The following SVIL variants were observed in gnomAD, a reference collection of about 807,000 sequenced individuals.
SVIL encodes the protein supervillin.
In SVIL, 101 loss-of-function variants were observed where a neutral mutation model predicts 240.4. The ratio of observed to expected loss-of-function variants is 0.42; its 90% CI spans 0.36 to 0.50. SVIL has a LOEUF of 0.50. SVIL is among the 20% of genes least tolerant of loss of function. The pLI is 0.01. For synonymous variants in SVIL, 999 were observed against 1,100.0 expected (o/e 0.91, Z 1.82); for missense variants, 2,512 against 2,818.7 (o/e 0.89, Z 2.46).
chr10:29,653,269 A>T (rs528909066), intron 3 of SVIL, among the ~76,000 whole-genome samples: 61 of 152,274 alleles, frequency 4.0e-4, no homozygotes, highest in Admixed American at 3.9e-3. Context: ...GTGAGTTCTC[A>T]TGAGATCTGG....
intron 1 of SVIL, among the ~76,000 whole-genome samples, chr10:29,615,891 C>T (rs777381714): frequency 5.9e-5 from 9 of 152,138 alleles, no homozygotes; most frequent in Non-Finnish European, 1.0e-4. Flanking sequence ...CATAAACTCC[C>T]ACACTGACTT....
intron 6 of SVIL, among the ~76,000 whole-genome samples, chr10:29,549,993 G>T (rs1486622098): frequency 1.6e-5 from 2 of 126,484 alleles, no homozygotes; most frequent in Non-Finnish European, 3.1e-5. Flanking sequence ...TGCACATTGT[G>T]CACATGTACC....
chr10:29,508,324 T>A, intron 17 of SVIL: 1 of 1,280,592 alleles, frequency 7.8e-7, no homozygotes, highest in Non-Finnish European at 1.0e-6. Flanking sequence ...AGGACACCTG[T>A]GTTAGAGTCA....
intron 2 of SVIL, among the ~76,000 whole-genome samples, chr10:29,662,549 T>G (rs1959170896): frequency 6.6e-6 from 1 of 152,170 alleles, no homozygotes; most frequent in Non-Finnish European, 1.5e-5. Context: ...CATCACTGTG[T>G]CTGGAGTAGT....
In SVIL at chr10:29,551,221, T is replaced by G; in HGVS notation, c.203A>C (p.Glu68Ala). 1 of 1,608,428 alleles carries G rather than the reference T, an allele frequency of 6.2e-7. No individual in the cohort carries two copies. Among genetic ancestry groups the G allele is most frequent in the Non-Finnish European group, 8.5e-7 (1 of 1,177,296 alleles). The change falls in exon 6 of 38, where the codon GAA (glutamate) becomes GCA (alanine). Residue 68 changes from glutamate to alanine, a missense_variant. By Grantham distance (107) the Glu-to-Ala change is moderately radical (BLOSUM62 -1). This residue lies in a region of SVIL where 1,443 missense variants were observed against 1,486.6 expected (regional missense o/e 0.97). Transcript: ENST00000355867. ...EEEETSDSSL[E>A]KQTRSKYCTE... is the part of the protein sequence containing the mutation. ...GCAGTATTTGGATCGAGTTTGCTTT[T>G]CTAGAGAAGAATCAGAAGTTTCCTC...
chr10:29,493,600 G>A (rs867539567), intron 20 of SVIL, among the ~76,000 whole-genome samples: 3 of 152,284 alleles, frequency 2.0e-5, no homozygotes, highest in Non-Finnish European at 2.9e-5. Flanking sequence ...GCAGTAAAAT[G>A]GGAGAGAGGG....
intron 17 of SVIL, among the ~76,000 whole-genome samples, chr10:29,511,723 T>C (rs969562656): frequency 1.3e-5 from 2 of 152,226 alleles, no homozygotes; most frequent in African/African-American, 2.4e-5. Context: ...TTTAACACCA[T>C]GTATGTCTCA....
chr10:29,586,969 T>C (rs1160409292), intron 1 of SVIL, among the ~76,000 whole-genome samples: 1 of 152,102 alleles, frequency 6.6e-6, no homozygotes, highest in Admixed American at 6.5e-5. Context: ...GGTGATGAAA[T>C]AATCTCTACA....
intron 1 of SVIL, among the ~76,000 whole-genome samples, chr10:29,612,390 A>G (rs1564700816): frequency 6.6e-6 from 1 of 152,164 alleles, no homozygotes; most frequent in African/African-American, 2.4e-5. Context: ...ATGACTGACC[A>G]TTCTTTACAT....
chr10:29,688,525 T>C (rs1297399462), intron 1 of SVIL, among the ~76,000 whole-genome samples: 1 of 152,254 alleles, frequency 6.6e-6, no homozygotes, highest in Non-Finnish European at 1.5e-5. Flanking sequence ...TCTAATTTTC[T>C]TTTGTTCCTC....
chr10:29,666,363 A>G (rs1564747263), intron 2 of SVIL, among the ~76,000 whole-genome samples: 1 of 152,236 alleles, frequency 6.6e-6, no homozygotes, highest in South Asian at 2.1e-4. Flanking sequence ...TAATAACCAT[A>G]GAGATTTGCA....
chr10:29,733,696 G>C (rs1964746566), intron 1 of SVIL, among the ~76,000 whole-genome samples: 1 of 152,194 alleles, frequency 6.6e-6, no homozygotes, highest in South Asian at 2.1e-4. Context: ...GGCAGCAACC[G>C]AACCCAGCCA....
rs754490072 is a variant in SVIL, at chr10:29,530,592, G to A, written c.2106+15C>T. The A allele has an allele frequency of 3.8e-5, 61 of 1,613,962 alleles. No homozygotes were observed. The East Asian group carries it at 4.7e-4, about 12-fold the overall frequency. ...CCAGTAGGGATCTCTATTCAAGCAC[G>A]TCAGCACAGCTTACCCTGAAAAGCA... On this transcript the variant is annotated intron_variant, in intron 11 of 37. Transcript: ENST00000355867.
chr10:29,687,394 CA>C (rs1258251705), intron 1 of SVIL, among the ~76,000 whole-genome samples: 2 of 152,286 alleles, frequency 1.3e-5, no homozygotes, highest in Admixed American at 1.3e-4. Context: ...TAAAATCTCC[CA>C]AAAATGTCAA....
chr10:29,464,232 T>C (rs1239602592), intron 34 of SVIL, among the ~76,000 whole-genome samples: 1 of 151,632 alleles, frequency 6.6e-6, no homozygotes, highest in Non-Finnish European at 1.5e-5. Context: ...AGCCCGGAGG[T>C]TGAAGACCAG....
intron 30 of SVIL, among the ~76,000 whole-genome samples, chr10:29,473,322 T>C (rs1032157256): frequency 3.3e-5 from 5 of 152,208 alleles, no homozygotes; most frequent in Non-Finnish European, 7.3e-5. Flanking sequence ...CACCTGATAC[T>C]TCCTTCATGT....
At chr10:29,528,736 CA>C (rs1028182762) in intron 12 of SVIL, among the ~76,000 whole-genome samples, 15 of 151,596 alleles carry the variant, frequency 9.9e-5, no homozygotes, top group African/African-American at 3.6e-4. Context: ...GACACTGCCT[CA>C]AAAAAACAAA....
Position 29,722,578 on chromosome 10 carries a change from G to A in SVIL, c.-400+13173C>T, listed in dbSNP as rs79119459. Among the ~76,000 whole-genome samples, 134 of 152,278 alleles carry A rather than the reference G, an allele frequency of 8.8e-4. No homozygotes were observed. The East Asian group carries it at 0.025, about 28-fold the overall frequency. ...ATCCTTTCCAATTCAGCACCAAACC[G>A]GCCTTTGGAAGTTGTGCACATTTAA... is the stretch of plus-strand genomic sequence containing the variant. On this transcript the variant is annotated intron_variant, in intron 1 of 35. Transcript: ENST00000375400.
At chr10:29,510,685 C>T in intron 17 of SVIL, among the ~76,000 whole-genome samples, 1 of 151,874 alleles carries the variant, frequency 6.6e-6, no homozygotes, top group Admixed American at 6.6e-5. Flanking sequence ...CTGTTCAGGC[C>T]CCACGTGTCA....
Sources: gnomAD v4.1 joint callset for allele counts (sites outside exome capture counted in the v4.1 genomes callset) on GRCh38, gnomAD v4.1.1 for gene constraint, gnomAD v4.1.1 regional missense constraint, MANE v1.5 for transcripts, NCBI Gene and HGNC (gene_info 2026-07-23, HGNC 2026-07-21) for gene names.